Variants in QTRT2 observed in about 807,000 individuals in gnomAD.
The protein encoded by QTRT2 is queuine tRNA-ribosyltransferase domain containing 1.
Under a neutral mutation model 44.8 loss-of-function variants are expected in QTRT2, and 32 were observed. The ratio of observed to expected loss-of-function variants is 0.71; its 90% CI spans 0.54 to 0.96. The LOEUF is 0.96. Ranked by LOEUF, QTRT2 falls within the 40% of genes least tolerant of loss-of-function variation. The pLI is 0.00. For missense variants in QTRT2, 461 were observed against 503.1 expected (o/e 0.92, Z 0.80); for synonymous variants, 182 against 187.4 (o/e 0.97, Z 0.24).
intron 9 of QTRT2, 103 bp from the exon 10 acceptor site, chr3:114,085,570 A>G: frequency 1.1e-6 from 1 of 929,496 alleles, no homozygotes; most frequent in East Asian, 2.4e-5. Context: ...TTTGCCAGTG[A>G]TGTTATTAAC....
intron 7 of QTRT2, chr3:114,077,927 G>GGACTCGAACTCCCAACCTC (rs1322273661): frequency 6.6e-6 from 1 of 152,036 alleles, no homozygotes; most frequent in Non-Finnish European, 1.5e-5. Context: ...TGGTCAGGCT[G>GGACTCGAACTCCCAACCTC]GTCTCGAACT....
intron 6 of QTRT2, among the ~76,000 whole-genome samples, chr3:114,071,964 A>G (rs942613827): frequency 2.6e-5 from 4 of 152,190 alleles, no homozygotes; most frequent in Non-Finnish European, 5.9e-5. Context: ...ACTGTGGGCT[A>G]CTTTTTCCTG....
In QTRT2 at chr3:114,065,460, A is replaced by G. The variant is rs550806859; in HGVS notation, c.200+3A>G. The G allele has an allele frequency of 1.2e-6, 2 of 1,607,942 alleles. No individual in the cohort carries two copies. The highest frequency in any genetic ancestry group is 1.7e-6 in the Non-Finnish European group (2 of 1,174,880). ...GCTCAGCTTACGCTGTCATCCCTGT[A>G]AGTGTTAGAACCAATGATTCAAGTA... On this transcript the variant is annotated splice_donor_region_variant and intron_variant, in intron 3 of 9. Transcript: ENST00000281273.
At chr3:114,067,926 T>A in intron 4 of QTRT2, 61 bp from the exon 5 acceptor site, 4 of 1,453,580 alleles carry the variant, frequency 2.8e-6, no homozygotes, top group Non-Finnish European at 3.9e-6. Flanking sequence ...TGCTCCCTGC[T>A]ATAATACAGT....
At chr3:114,085,457 C>T (rs112868672) in intron 9 of QTRT2, among the ~76,000 whole-genome samples, 16 of 152,324 alleles carry the variant, frequency 1.1e-4, no homozygotes, top group African/African-American at 2.9e-4. Context: ...CCGCCTGCCC[C>T]GGCCTCCCAA....
intron 8 of QTRT2, 100 bp from the exon 9 acceptor site, chr3:114,082,577 C>T (rs538430121): frequency 3.8e-6 from 2 of 523,274 alleles, no homozygotes; most frequent in South Asian, 3.7e-5. Flanking sequence ...AGTGAAATTA[C>T]AGAGTCAAAG....
chr3:114,065,158 AG>A (rs1218992005), intron 2 of QTRT2, 78 bp from the exon 3 acceptor site: 1 of 857,686 alleles, frequency 1.2e-6, no homozygotes, highest in East Asian at 2.5e-5. Flanking sequence ...ATTTTCCTGA[AG>A]ATTTTTTTTT....
At chr3:114,063,543 T>A (rs9682132) in intron 2 of QTRT2, among the ~76,000 whole-genome samples, 4,811 of 152,176 alleles carry the variant, frequency 0.032, 234 homozygotes, top group African/African-American at 0.11. Flanking sequence ...TCTCCATTTA[T>A]GTGGGTTCTA....
intron 6 of QTRT2, among the ~76,000 whole-genome samples, chr3:114,074,625 C>T (rs1047057032): frequency 6.6e-6 from 1 of 152,212 alleles, no homozygotes; most frequent in African/African-American, 2.4e-5. Flanking sequence ...TATGTCCCTC[C>T]TGCTTAAACT....
chr3:114,080,915 C>T (rs2077158095), intron 8 of QTRT2, among the ~76,000 whole-genome samples: 2 of 152,160 alleles, frequency 1.3e-5, no homozygotes, highest in South Asian at 4.1e-4. Flanking sequence ...CTCCTGGAAA[C>T]AAAATAAATC....
At chr3:114,085,550 G>A in intron 9 of QTRT2, 123 bp from the exon 10 acceptor site, 1 of 830,412 alleles carries the variant, frequency 1.2e-6, no homozygotes, top group South Asian at 1.5e-5. Context: ...CAGGTGCACA[G>A]CACTGAACAT....
chr3:114,057,569 T>A (rs13064372), intron 2 of QTRT2: 33,546 of 152,148 alleles, frequency 0.22, 4,478 homozygotes, highest in Middle Eastern at 0.36. Flanking sequence ...TAGGACCAGC[T>A]CTGTAACTGG....
At chr3:114,060,412 A>G (rs1195173340) in intron 2 of QTRT2, among the ~76,000 whole-genome samples, 1 of 152,102 alleles carries the variant, frequency 6.6e-6, no homozygotes, top group African/African-American at 2.4e-5. Context: ...TCTGTGGGGA[A>G]TATGTTCCAA....
intron 5 of QTRT2, among the ~76,000 whole-genome samples, chr3:114,069,698 A>G (rs567289229): frequency 1.4e-4 from 22 of 152,288 alleles, no homozygotes; most frequent in East Asian, 3.9e-4. Context: ...TAGTGCTGCA[A>G]TGTACATTTG....
At chr3:114,060,535 GATA>G (rs2076870762) in intron 2 of QTRT2, among the ~76,000 whole-genome samples, 1 of 143,844 alleles carries the variant, frequency 7.0e-6, no homozygotes, top group Non-Finnish European at 1.5e-5. Context: ...TAGATAGATA[GATA>G]GATAGATAAG....
At position 114,082,711 on chromosome 3, in the gene QTRT2, A is replaced by G; in HGVS notation, c.933A>G (p.Lys311=). Residue 311 remains lysine, a synonymous_variant, in exon 9 of 10, where the codon AAA becomes AAG. Transcript: ENST00000281273. ...LQQNGTQEEI[K]CMDQIKKIET... is the part of the protein sequence containing the mutation. ...AAAATGGAACACAAGAAGAAATAAA[A>G]TGTATGGATCAAATAAAGAAAATTG... The G allele has an allele frequency of 6.6e-7, 1 of 1,518,906 alleles. No individual in the cohort carries two copies. Among genetic ancestry groups the G allele is most frequent in the East Asian group, 2.3e-5 (1 of 43,956 alleles). The allele number at this position is 1,518,906 out of a possible 1,614,324, so 94.1% of individuals were successfully genotyped here.
chr3:114,082,771 T>C lies in QTRT2; in HGVS notation c.993T>C (p.Phe331=). Residue 331 remains phenylalanine (F), a synonymous_variant, in exon 9 of 10, where the codon TTT becomes TTC. Coordinates refer to ENST00000281273, the MANE Select transcript of QTRT2 (RefSeq NM_024638.4). ...TTGCNQEITS[F]EINLKEKKYQ... is the part of the protein sequence containing the mutation. The stretch of plus-strand genomic sequence containing the variant: ...GTTGCAACCAAGAAATAACATCATT[T>C]GAAATTAATCTGAAGGAAAAAAAGT... The C allele has an allele frequency of 6.8e-7, 1 of 1,470,506 alleles. No individual in the cohort carries two copies. The highest frequency in any genetic ancestry group is 9.3e-7 in the Non-Finnish European group (1 of 1,070,680). The allele number at this position is 1,470,506 out of a possible 1,614,324, so 91.1% of individuals were successfully genotyped here.
chr3:114,070,734 G>A lies in QTRT2; in HGVS notation c.442G>A (p.Glu148Lys). ...PDWFQCLSDG[E>K]VSCKEATSIK... ...CTGGTTCCAGTGCCTCTCCGATGGAGAAGTATCTTGTAAGGAAGCAACTTC... is the reference window on the plus strand; with the variant it reads ...CTGGTTCCAGTGCCTCTCCGATGGAAAAGTATCTTGTAAGGAAGCAACTTC... The change falls in exon 6 of 10, where the codon GAA (glutamate) becomes AAA (lysine). Residue 148 changes from glutamate (E) to lysine (K), a missense_variant. Glu to Lys is a moderately conservative substitution (Grantham distance 56, BLOSUM62 1). Coordinates refer to ENST00000281273, the MANE Select transcript of QTRT2 (RefSeq NM_024638.4). The A allele has an allele frequency of 6.2e-7, 1 of 1,614,082 alleles. No homozygotes were observed. Among genetic ancestry groups the A allele is most frequent in the Non-Finnish European group, 8.5e-7 (1 of 1,179,990 alleles).
chr3:114,070,728 G>A lies in QTRT2; in HGVS notation c.436G>A (p.Asp146Asn), dbSNP rs1178320851. The A allele has an allele frequency of 5.0e-6, 8 of 1,613,766 alleles. No homozygotes were observed. Among genetic ancestry groups the A allele is most frequent in the East Asian group, 4.5e-5 (2 of 44,886 alleles). Residue 146 changes from aspartate to asparagine, a missense_variant, in exon 6 of 10, where the codon GAT (aspartate) becomes AAT (asparagine). Transcript: ENST00000281273. ...LQPDWFQCLS[D>N]GEVSCKEATS... is the part of the protein sequence containing the mutation. ...GCCAGACTGGTTCCAGTGCCTCTCC[G>A]ATGGAGAAGTATCTTGTAAGGAAGC...
Sources: allele counts gnomAD v4.1 joint callset (sites outside exome capture counted in the v4.1 genomes callset), GRCh38; gene constraint gnomAD v4.1.1; transcripts MANE v1.5; gene names NCBI Gene and HGNC (gene_info 2026-07-23, HGNC 2026-07-21).